CCDC15: variants seen among roughly 807,000 people sequenced by gnomAD.
CCDC15 encodes coiled-coil domain-containing protein 15.
Under a neutral mutation model 114.5 loss-of-function variants are expected in CCDC15, and 105 were observed. The ratio of observed to expected loss-of-function variants is 0.92; its 90% CI spans 0.78 to 1.08. CCDC15 has a LOEUF of 1.08. Ranked by LOEUF, CCDC15 falls within the 50% of genes least tolerant of loss-of-function variation. The pLI is 0.00. For missense variants in CCDC15, 1,105 were observed against 1,093.6 expected, an observed-to-expected ratio of 1.01 and a Z score of -0.15; for synonymous variants, 334 against 377.8, an observed-to-expected ratio of 0.88 and a Z score of 1.34.
At chr11:124,979,431 A>G (rs1948028845) in intron 6 of CCDC15, among the ~76,000 whole-genome samples, 1 of 152,086 alleles carries the variant, frequency 6.6e-6, no homozygotes, top group East Asian at 1.9e-4. Context: ...ATGTTTTTCC[A>G]TTTGTTTGTG....
intron 11 of CCDC15, among the ~76,000 whole-genome samples, chr11:124,994,210 G>T (rs7104096): frequency 0.27 from 40,452 of 152,008 alleles, 6,367 homozygotes; most frequent in African/African-American, 0.44. Context: ...CACAGGATTT[G>T]CTTCTGGGTG....
chr11:124,965,477 T>C (rs1421920427), intron 4 of CCDC15, among the ~76,000 whole-genome samples: 1 of 152,130 alleles, frequency 6.6e-6, no homozygotes, highest in African/African-American at 2.4e-5. Flanking sequence ...TCTGTGGGAT[T>C]GGTGGTGATA....
At position 124,987,688 on chromosome 11, in the gene CCDC15, C is replaced by T; in HGVS notation, c.1462C>T (p.Pro488Ser). 3 of 1,613,850 alleles carry T rather than the reference C, an allele frequency of 1.9e-6. No individual in the cohort carries two copies. Among genetic ancestry groups the T allele is most frequent in the Non-Finnish European group, 2.5e-6 (3 of 1,179,836 alleles). The change falls in exon 8 of 16, where the codon CCC becomes TCC. Residue 488 changes from proline to serine, a missense_variant. Physicochemically the swap from Pro to Ser is moderately conservative, Grantham distance 74. Transcript: ENST00000344762. ...NFLSRDQHVL[P>S]KDQDILPKYQ... is the part of the protein sequence containing the mutation. ...TTTATCTAGAGACCAGCATGTTCTCCCCAAAGACCAAGATATTCTGCCAAA... is the reference window on the plus strand; with the variant it reads ...TTTATCTAGAGACCAGCATGTTCTCTCCAAAGACCAAGATATTCTGCCAAA...
intron 10 of CCDC15, 51 bp from the exon 11 acceptor site, chr11:124,993,118 G>T: frequency 8.9e-7 from 1 of 1,117,754 alleles, no homozygotes. Flanking sequence ...ACTGTCACTA[G>T]CCCGTCATTT....
chr11:124,977,385 A>C, intron 5 of CCDC15, 93 bp from the exon 6 acceptor site: 4 of 1,217,386 alleles, frequency 3.3e-6, no homozygotes, highest in Non-Finnish European at 4.4e-6. Flanking sequence ...ACCTACTAAG[A>C]TAATTTTAGA....
intron 13 of CCDC15, among the ~76,000 whole-genome samples, chr11:125,035,458 A>G (rs893604491): frequency 6.6e-6 from 1 of 151,358 alleles, no homozygotes; most frequent in Non-Finnish European, 1.5e-5. Flanking sequence ...TTTTCAGCCT[A>G]TATGTGTCTT....
At chr11:125,029,276 C>T (rs1184364416) in intron 13 of CCDC15, among the ~76,000 whole-genome samples, 1 of 152,186 alleles carries the variant, frequency 6.6e-6, no homozygotes, top group Non-Finnish European at 1.5e-5. Flanking sequence ...CAAGTTGACA[C>T]TCCGTATTAA....
intron 9 of CCDC15, among the ~76,000 whole-genome samples, 155 bp downstream of exon 9, chr11:124,991,738 CAGT>C (rs1319424176): frequency 5.9e-5 from 9 of 152,198 alleles, no homozygotes; most frequent in Non-Finnish European, 1.0e-4. Flanking sequence ...GGCTGGAGTG[CAGT>C]GGCACAATCT....
At chr11:125,029,181 C>A (rs1371243079) in intron 13 of CCDC15, among the ~76,000 whole-genome samples, 1 of 152,150 alleles carries the variant, frequency 6.6e-6, no homozygotes, top group Non-Finnish European at 1.5e-5. Context: ...CTGCCCTTCC[C>A]AACCCACTGA....
At position 124,987,958 on chromosome 11, in the gene CCDC15, C is replaced by G; in HGVS notation, c.1732C>G (p.Pro578Ala). 1 of 1,613,890 alleles carries G rather than the reference C, an allele frequency of 6.2e-7. No individual in the cohort carries two copies. Among genetic ancestry groups the G allele is most frequent in the Non-Finnish European group, 8.5e-7 (1 of 1,179,848 alleles). ...TCTTCCCAAAGACCAAAATATTCTA[C>G]CCATATGTCAGGACCAGGATTTTCT... ...GVLPKDQNIL[P>A]ICQDQDFLPR... Residue 578 changes from proline to alanine, a missense_variant, in exon 8 of 16, where the codon CCC becomes GCC. By Grantham distance (27) the Pro-to-Ala change is conservative. Transcript: ENST00000344762.
chr11:124,990,100 A>C (rs1328627740), intron 8 of CCDC15, among the ~76,000 whole-genome samples: 1 of 152,112 alleles, frequency 6.6e-6, no homozygotes, highest in Non-Finnish European at 1.5e-5. Flanking sequence ...AAAGTGGGAG[A>C]CATGTGGTTC....
chr11:125,027,035 A>G (rs1948708157), intron 13 of CCDC15, among the ~76,000 whole-genome samples: 2 of 151,754 alleles, frequency 1.3e-5, no homozygotes, highest in South Asian at 4.2e-4. Context: ...ATAGCCTCCA[A>G]CTCCATCCAA....
rs1439707916 is a variant in CCDC15 at position 124,986,732 on chromosome 11, T to A, written c.754-10T>A. On this transcript the variant is annotated splice_polypyrimidine_tract_variant and intron_variant, in intron 6 of 15. Coordinates refer to ENST00000344762, the MANE Select transcript of CCDC15 (RefSeq NM_025004.3). ...GCGCGCGTGCGCGTTTTCATTGTTT[T>A]TTTCTTTAGGAACTTGACTATGAGG... 6.5e-7 allele frequency: 1 copy of A among 1,526,730 alleles called. No homozygotes were observed. Among genetic ancestry groups the A allele is most frequent in the Non-Finnish European group, 8.8e-7 (1 of 1,136,284 alleles). 94.6% of individuals were successfully genotyped at this position (1,526,730 alleles called of 1,614,324 possible).
At chr11:125,006,966 C>T (rs954323472) in intron 13 of CCDC15, among the ~76,000 whole-genome samples, 1 of 152,032 alleles carries the variant, frequency 6.6e-6, no homozygotes, top group African/African-American at 2.4e-5. Context: ...AATAATTGTA[C>T]ATATTTATGG....
chr11:125,012,424 A>G (rs1948599266), intron 13 of CCDC15, among the ~76,000 whole-genome samples: 1 of 152,244 alleles, frequency 6.6e-6, no homozygotes, highest in African/African-American at 2.4e-5. Context: ...TGATACAAAG[A>G]TAAATAAAAT....
intron 2 of CCDC15, among the ~76,000 whole-genome samples, chr11:124,958,500 A>C (rs1411059365): frequency 6.6e-6 from 1 of 152,158 alleles, no homozygotes; most frequent in Non-Finnish European, 1.5e-5. Flanking sequence ...TTATATAAAT[A>C]TATATTGACT....
chr11:125,022,343 T>TA (rs768964147), intron 13 of CCDC15, among the ~76,000 whole-genome samples: 13 of 151,962 alleles, frequency 8.6e-5, no homozygotes, highest in Non-Finnish European at 1.8e-4. Flanking sequence ...TCTCCCCTAT[T>TA]ACAACTTTAT....
intron 15 of CCDC15, among the ~76,000 whole-genome samples, chr11:125,040,228 G>A (rs1337065708): frequency 2.6e-5 from 4 of 151,804 alleles, no homozygotes; most frequent in Non-Finnish European, 5.9e-5. Flanking sequence ...GTAGATACGG[G>A]GGTTTGCCAT....
At chr11:125,013,952 A>G (rs1191423854) in intron 13 of CCDC15, among the ~76,000 whole-genome samples, 3 of 152,228 alleles carry the variant, frequency 2.0e-5, no homozygotes, top group Non-Finnish European at 4.4e-5. Flanking sequence ...TGGAGACTCA[A>G]GGGTCTCAAA....
Sources: gnomAD v4.1 joint callset for allele counts (sites outside exome capture counted in the v4.1 genomes callset) on GRCh38, gnomAD v4.1.1 for gene constraint, MANE v1.5 for transcripts, NCBI Gene and HGNC (gene_info 2026-07-23, HGNC 2026-07-21) for gene names.